Variants in FMNL2 observed in about 807,000 individuals in gnomAD.
FMNL2 encodes formin-like protein 2.
In FMNL2, 51 loss-of-function variants were observed where a neutral mutation model predicts 130.2. The observed-to-expected ratio is 0.39, with a 90% CI of 0.31 to 0.49. FMNL2 has a LOEUF of 0.49. Ranked by LOEUF, FMNL2 falls within the 20% of genes least tolerant of loss-of-function variation. The pLI is 0.85. For synonymous variants in FMNL2, 465 were observed against 467.1 expected, an observed-to-expected ratio of 1.00 and a Z score of 0.06; for missense variants, 977 against 1,316.2, an observed-to-expected ratio of 0.74 and a Z score of 3.99.
chr2:152,338,077 A>C (rs367554784), intron 1 of FMNL2, among the ~76,000 whole-genome samples: 83 of 146,034 alleles, frequency 5.7e-4, no homozygotes, highest in African/African-American at 2.0e-3. Flanking sequence ...GCTTTTCTTC[A>C]TGAGTTGCTT....
chr2:152,343,952 A>C (rs758151792), intron 1 of FMNL2, among the ~76,000 whole-genome samples: 18 of 152,254 alleles, frequency 1.2e-4, no homozygotes, highest in Non-Finnish European at 2.5e-4. Flanking sequence ...CAGGAGTCCT[A>C]GACCAGTGTG....
chr2:152,364,700 A>G (rs913440278), intron 1 of FMNL2, among the ~76,000 whole-genome samples: 3 of 152,218 alleles, frequency 2.0e-5, no homozygotes, highest in South Asian at 4.1e-4. Context: ...TTGATCTTAC[A>G]TAAATAAGTT....
At chr2:152,584,596 G>C (rs1696965947) in intron 9 of FMNL2, among the ~76,000 whole-genome samples, 1 of 152,214 alleles carries the variant, frequency 6.6e-6, no homozygotes, top group African/African-American at 2.4e-5. Context: ...CCAGATGCTA[G>C]AAAGACATTT....
chr2:152,626,825 G>T, intron 17 of FMNL2, 98 bp downstream of exon 17: 1 of 1,277,640 alleles, frequency 7.8e-7, no homozygotes, highest in Non-Finnish European at 1.1e-6. Context: ...AGTGAGACAA[G>T]ACCTAAGATA....
intron 10 of FMNL2, among the ~76,000 whole-genome samples, chr2:152,610,185 A>C (rs1698600712): frequency 6.6e-6 from 1 of 152,152 alleles, no homozygotes; most frequent in African/African-American, 2.4e-5. Context: ...TTTTGGTGAG[A>C]TTGTAGGTGA....
chr2:152,565,972 G>A (rs1041994618), intron 6 of FMNL2, among the ~76,000 whole-genome samples: 1 of 152,100 alleles, frequency 6.6e-6, no homozygotes, highest in Non-Finnish European at 1.5e-5. Context: ...GTAGAGAGAC[G>A]GTCTCACTAT....
At chr2:152,347,495 G>A (rs1470454384) in intron 1 of FMNL2, among the ~76,000 whole-genome samples, 3 of 152,172 alleles carry the variant, frequency 2.0e-5, no homozygotes, top group Non-Finnish European at 2.9e-5. Flanking sequence ...ATACTGAGAA[G>A]AGGATATTTT....
intron 1 of FMNL2, among the ~76,000 whole-genome samples, chr2:152,418,904 G>A (rs1268034233): frequency 6.6e-6 from 1 of 151,448 alleles, no homozygotes; most frequent in African/African-American, 2.4e-5. Context: ...GGTGTCTGCT[G>A]CACCCTAGCA....
Position 152,371,625 on chromosome 2 carries a change from C to T in FMNL2, c.117+35905C>T, listed in dbSNP as rs1275467984. ...CAGAGGTTGCAGTGAGCAGAGATTG[C>T]GCCACTGCACTCCAGCCTGGGTGAC... On this transcript the variant is annotated intron_variant, in intron 1 of 25. Coordinates refer to ENST00000288670, the MANE Select transcript of FMNL2 (RefSeq NM_052905.4). Among the ~76,000 whole-genome samples the T allele has an allele frequency of 4.1e-5, 6 of 145,402 alleles. No individual in the cohort carries two copies. The East Asian group carries it at 6.4e-4, about 15-fold the overall frequency.
chr2:152,369,021 G>A (rs1683724594), intron 1 of FMNL2, among the ~76,000 whole-genome samples: 1 of 152,150 alleles, frequency 6.6e-6, no homozygotes. Flanking sequence ...AGTGCAAGTT[G>A]TAGCTCTGAA....
intron 20 of FMNL2, among the ~76,000 whole-genome samples, chr2:152,631,307 C>T (rs956553637): frequency 5.4e-5 from 8 of 147,230 alleles, no homozygotes; most frequent in African/African-American, 2.0e-4. Context: ...GCAGGAGAAT[C>T]GCTTGAACGC....
intron 15 of FMNL2, among the ~76,000 whole-genome samples, chr2:152,620,589 T>C (rs12621715): frequency 0.13 from 19,306 of 152,170 alleles, 1,920 homozygotes; most frequent in East Asian, 0.57. Context: ...AGGTCTCTTA[T>C]TTACAATAAA....
At chr2:152,609,627 C>T (rs1028967220) in intron 10 of FMNL2, among the ~76,000 whole-genome samples, 5 of 151,826 alleles carry the variant, frequency 3.3e-5, no homozygotes, top group Admixed American at 6.6e-5. Context: ...TGATAGAACC[C>T]GAGATGATTT....
chr2:152,433,531 A>G (rs1194960969), intron 1 of FMNL2, among the ~76,000 whole-genome samples: 1 of 152,204 alleles, frequency 6.6e-6, no homozygotes, highest in East Asian at 1.9e-4. Context: ...TCTGTTGCCT[A>G]GTGAGTCAAC....
At chr2:152,496,291 T>C (rs1366175696) in intron 1 of FMNL2, among the ~76,000 whole-genome samples, 5 of 152,172 alleles carry the variant, frequency 3.3e-5, no homozygotes, top group African/African-American at 1.2e-4. Flanking sequence ...TACTGACCAG[T>C]TATTTCATAG....
intron 4 of FMNL2, among the ~76,000 whole-genome samples, chr2:152,556,153 A>G (rs1365884904): frequency 6.6e-6 from 1 of 152,200 alleles, no homozygotes; most frequent in African/African-American, 2.4e-5. Flanking sequence ...AGTTAGAAAA[A>G]TGGGGGCTCT....
chr2:152,366,722 T>A (rs1683573612), intron 1 of FMNL2, among the ~76,000 whole-genome samples: 1 of 152,140 alleles, frequency 6.6e-6, no homozygotes, highest in South Asian at 2.1e-4. Flanking sequence ...TCCCCGTACT[T>A]TGGGAGGCCG....
At chr2:152,387,239 C>G (rs1340693097) in intron 1 of FMNL2, among the ~76,000 whole-genome samples, 1 of 152,160 alleles carries the variant, frequency 6.6e-6, no homozygotes, top group Non-Finnish European at 1.5e-5. Flanking sequence ...TAACAGACCA[C>G]ATTGTGGCTG....
chr2:152,640,376 C>T (rs2105966143), intron 24 of FMNL2, among the ~76,000 whole-genome samples: 1 of 152,324 alleles, frequency 6.6e-6, no homozygotes, highest in Non-Finnish European at 1.5e-5. Context: ...TGCAGATGCC[C>T]ATTGGTGCTG....
Sources: gnomAD v4.1 joint callset for allele counts (sites outside exome capture counted in the v4.1 genomes callset) on GRCh38, gnomAD v4.1.1 for gene constraint, MANE v1.5 for transcripts, NCBI Gene and HGNC (gene_info 2026-07-23, HGNC 2026-07-21) for gene names.